SMYD3: variants seen among roughly 807,000 people sequenced by gnomAD.
SMYD3 encodes the protein SET and MYND domain containing 3.
In SMYD3, 36 loss-of-function variants were observed where a neutral mutation model predicts 57.7. The observed-to-expected ratio is 0.62, with a 90% CI of 0.48 to 0.82. The LOEUF (loss-of-function observed/expected upper bound fraction) is 0.82, where lower values mean the gene tolerates loss of function less well. Among genes scored for constraint, SMYD3 ranks in the 40% least tolerant of loss-of-function variants. The pLI is 0.00. For missense variants in SMYD3, 515 were observed against 538.8 expected (o/e 0.96, Z 0.44); for synonymous variants, 211 against 195.0 (o/e 1.08, Z -0.68).
At chr1:245,841,311 T>C (rs1281050959) in intron 10 of SMYD3, among the ~76,000 whole-genome samples, 1 of 152,220 alleles carries the variant, frequency 6.6e-6, no homozygotes, top group African/African-American at 2.4e-5. Context: ...CACACATTAA[T>C]ATAAACAGAG....
At chr1:245,995,678 A>G (rs2058915215) in intron 5 of SMYD3, among the ~76,000 whole-genome samples, 1 of 152,226 alleles carries the variant, frequency 6.6e-6, no homozygotes, top group South Asian at 2.1e-4. Context: ...GGGAGAGACT[A>G]ATGCAGCCTG....
chr1:246,486,912 G>T (rs182647302), intron 1 of SMYD3, among the ~76,000 whole-genome samples: 47 of 152,228 alleles, frequency 3.1e-4, no homozygotes, highest in Admixed American at 2.7e-3. Flanking sequence ...GCATAACACT[G>T]TTCAAAAAGG....
At chr1:245,979,643 CCT>C (rs1181620683) in intron 5 of SMYD3, among the ~76,000 whole-genome samples, 8 of 152,044 alleles carry the variant, frequency 5.3e-5, no homozygotes, top group African/African-American at 1.9e-4. Context: ...GCCCACACGC[CCT>C]GATTTCAGAC....
chr1:246,223,831 C>T (rs1316388834), intron 5 of SMYD3, among the ~76,000 whole-genome samples: 1 of 152,112 alleles, frequency 6.6e-6, no homozygotes, highest in Non-Finnish European at 1.5e-5. Flanking sequence ...ATACGGAATA[C>T]TTCAGTAATT....
At chr1:246,042,050 A>G (rs1001616162) in intron 5 of SMYD3, among the ~76,000 whole-genome samples, 1 of 152,332 alleles carries the variant, frequency 6.6e-6, no homozygotes, top group Admixed American at 6.5e-5. Context: ...CTTATGACTG[A>G]TAAGTCACAT....
At chr1:245,909,164 C>A (rs139949482) in intron 8 of SMYD3, among the ~76,000 whole-genome samples, 1 of 152,130 alleles carries the variant, frequency 6.6e-6, no homozygotes, top group Non-Finnish European at 1.5e-5. Context: ...TGATTAGAGA[C>A]TGTTAGCAAC....
rs34976717 is a variant in SMYD3 at position 246,118,730 on chromosome 1, A to AT, written c.532-188794dup. Reference sequence around the variant, plus strand: ...TCTCCCTTCTTCCTTGAGACTCCCAATTTTTTTTTAAAATGTGTGCTAAAG... The same window carrying AT: ...TCTCCCTTCTTCCTTGAGACTCCCAATTTTTTTTTTAAAATGTGTGCTAAAG... On this transcript the variant is annotated intron_variant, in intron 5 of 11. Transcript: ENST00000490107. 2.8e-3 allele frequency among the ~76,000 whole-genome samples: 425 copies of AT among 150,368 alleles called. 2 individuals carry two copies. The highest frequency in any genetic ancestry group is 8.8e-3 in the African/African-American group (362 of 41,010).
intron 10 of SMYD3, among the ~76,000 whole-genome samples, chr1:245,807,813 G>GGAAAAAAAAAA (rs1553328805): frequency 9.0e-6 from 1 of 111,700 alleles, no homozygotes; most frequent in African/African-American, 3.3e-5. Flanking sequence ...ATTTCCCAGG[G>GGAAAAAAAAAA]AAAAAAAAAA....
At chr1:245,798,245 G>C (rs1174619980) in intron 10 of SMYD3, among the ~76,000 whole-genome samples, 6 of 151,770 alleles carry the variant, frequency 4.0e-5, no homozygotes, top group Non-Finnish European at 2.9e-5. Flanking sequence ...CCTGTGTCGA[G>C]CTGGTCTGCA....
intron 5 of SMYD3, among the ~76,000 whole-genome samples, chr1:246,262,595 T>C (rs1397688805): frequency 2.6e-5 from 4 of 152,152 alleles, no homozygotes; most frequent in Non-Finnish European, 4.4e-5. Flanking sequence ...TTATGGACTT[T>C]CTGCTTGTTC....
At chr1:246,212,639 C>T (rs1046208510) in intron 5 of SMYD3, among the ~76,000 whole-genome samples, 11 of 151,984 alleles carry the variant, frequency 7.2e-5, no homozygotes, top group African/African-American at 2.2e-4. Flanking sequence ...TCCTATTAAC[C>T]GATCTGTTTT....
chr1:246,240,573 G>T (rs1333183102), intron 5 of SMYD3, among the ~76,000 whole-genome samples: 2 of 151,096 alleles, frequency 1.3e-5, no homozygotes, highest in Non-Finnish European at 2.9e-5. Flanking sequence ...TGGCAATAAG[G>T]GCTCTTTTTT....
At position 246,012,421 on chromosome 1, in the gene SMYD3, C is replaced by A. The variant is rs532684919; in HGVS notation, c.532-82484G>T. ...GCATTTGCCCCCTTCATGGGTGCAA[C>A]AGAACTTGTAGCAATTCTCTGGTTT... is the stretch of plus-strand genomic sequence containing the variant. On this transcript the variant is annotated intron_variant, in intron 5 of 11. Transcript: ENST00000490107. Among the ~76,000 whole-genome samples, 12 of 152,306 alleles carry A rather than the reference C, an allele frequency of 7.9e-5. No individual in the cohort carries two copies. The South Asian group carries it at 2.1e-3, about 26-fold the overall frequency.
At chr1:246,340,134 A>G (rs989804016) in intron 2 of SMYD3, among the ~76,000 whole-genome samples, 8 of 151,970 alleles carry the variant, frequency 5.3e-5, no homozygotes, top group African/African-American at 1.9e-4. Context: ...TATAATTATC[A>G]TTGAACTATT....
At chr1:246,284,545 T>G (rs6426292) in intron 5 of SMYD3, among the ~76,000 whole-genome samples, 1 of 151,222 alleles carries the variant, frequency 6.6e-6, no homozygotes, top group East Asian at 1.9e-4. Flanking sequence ...GCCTCCTGAG[T>G]AGCTGGGACT....
Position 245,878,406 on chromosome 1 carries a change from G to A in SMYD3, c.814-14520C>T, listed in dbSNP as rs1007915370. Among the ~76,000 whole-genome samples, 9 of 152,354 alleles carry A rather than the reference G, an allele frequency of 5.9e-5. No homozygotes were observed. The South Asian group carries it at 1.0e-3, about 18-fold the overall frequency. Reference sequence around the variant, plus strand: ...ACGAGGAGGCAGAGGGTAGGGTCAAGAGCACAGGTGGTAGAAGCGGGTGGT... The same window carrying A: ...ACGAGGAGGCAGAGGGTAGGGTCAAAAGCACAGGTGGTAGAAGCGGGTGGT... On this transcript the variant is annotated intron_variant, in intron 8 of 11. Coordinates refer to ENST00000490107, the MANE Select transcript of SMYD3 (RefSeq NM_001167740.2).
intron 5 of SMYD3, among the ~76,000 whole-genome samples, chr1:245,945,472 A>ATGC (rs1245353489): frequency 1.3e-5 from 2 of 152,186 alleles, no homozygotes; most frequent in Admixed American, 6.5e-5. Context: ...GAAACAACAG[A>ATGC]TGCTGGCAAG....
At chr1:245,780,622 C>T (rs1255922559) in intron 10 of SMYD3, among the ~76,000 whole-genome samples, 2 of 152,088 alleles carry the variant, frequency 1.3e-5, no homozygotes, top group African/African-American at 2.4e-5. Flanking sequence ...GATGGTTGTA[C>T]AACCTTGTAA....
chr1:246,228,022 G>C (rs12084149), intron 5 of SMYD3, among the ~76,000 whole-genome samples: 30,713 of 139,872 alleles, frequency 0.22, 3,894 homozygotes, highest in East Asian at 0.59. Flanking sequence ...AAACTACAGA[G>C]TGCAGTGGCA....
Sources: gnomAD v4.1 joint callset for allele counts (sites outside exome capture counted in the v4.1 genomes callset) on GRCh38, gnomAD v4.1.1 for gene constraint, MANE v1.5 for transcripts, NCBI Gene and HGNC (gene_info 2026-07-23, HGNC 2026-07-21) for gene names.